TNKS: variants seen among roughly 807,000 people sequenced by gnomAD.
TNKS encodes the protein tankyrase.
A neutral mutation model predicts 135.8 loss-of-function variants in TNKS; 72 were observed. The ratio of observed to expected loss-of-function variants is 0.53; its 90% CI spans 0.44 to 0.64. The LOEUF is 0.64. Among genes scored for constraint, TNKS ranks in the 30% least tolerant of loss-of-function variants. The pLI, the probability that TNKS is intolerant of heterozygous loss-of-function variation, is 0.00. For missense variants in TNKS, 1,769 were observed against 1,674.0 expected (o/e 1.06, Z -0.99); for synonymous variants, 849 against 649.3 (o/e 1.31, Z -4.68).
At chr8:9,643,754 G>T (rs559184262) in intron 3 of TNKS, among the ~76,000 whole-genome samples, 1 of 152,260 alleles carries the variant, frequency 6.6e-6, no homozygotes, top group South Asian at 2.1e-4. Context: ...ATATGACCCG[G>T]CAATTCTGCT....
intron 13 of TNKS, among the ~76,000 whole-genome samples, chr8:9,727,420 T>G (rs563758495): frequency 6.6e-6 from 1 of 152,238 alleles, no homozygotes; most frequent in Non-Finnish European, 1.5e-5. Context: ...TGGAGATTGG[T>G]CTTTTGGGGT....
chr8:9,682,030 T>C (rs1802804631), intron 5 of TNKS, among the ~76,000 whole-genome samples: 1 of 152,144 alleles, frequency 6.6e-6, no homozygotes, highest in East Asian at 1.9e-4. Flanking sequence ...TAGTTACTCT[T>C]GGGAAGTGTT....
intron 3 of TNKS, among the ~76,000 whole-genome samples, chr8:9,646,473 T>C (rs7839648): frequency 0.83 from 126,168 of 152,116 alleles, 52,704 homozygotes; most frequent in Non-Finnish European, 0.88. Flanking sequence ...GGTTTCTAAA[T>C]ATTTGAGATT....
At chr8:9,577,471 C>A (rs965145313) in intron 1 of TNKS, among the ~76,000 whole-genome samples, 1 of 151,906 alleles carries the variant, frequency 6.6e-6, no homozygotes, top group Non-Finnish European at 1.5e-5. Context: ...CTGGGGAGGC[C>A]CCAGGAAATT....
At chr8:9,596,659 T>C (rs933673375) in intron 2 of TNKS, among the ~76,000 whole-genome samples, 27 of 152,244 alleles carry the variant, frequency 1.8e-4, no homozygotes, top group African/African-American at 6.5e-4. Flanking sequence ...AAGATACATT[T>C]ATTTTGGATC....
chr8:9,679,143 A>T (rs1370252802), intron 3 of TNKS, among the ~76,000 whole-genome samples: 1 of 152,228 alleles, frequency 6.6e-6, no homozygotes, highest in African/African-American at 2.4e-5. Flanking sequence ...ATAAAATAGA[A>T]TGGGGGAAAA....
intron 2 of TNKS, among the ~76,000 whole-genome samples, chr8:9,589,989 C>G (rs1375511502): frequency 1.3e-5 from 2 of 152,168 alleles, no homozygotes; most frequent in Admixed American, 6.5e-5. Flanking sequence ...ATGTTACGTA[C>G]AAAATACAAG....
chr8:9,560,455 T>G (rs1797278358), intron 1 of TNKS, among the ~76,000 whole-genome samples: 2 of 150,370 alleles, frequency 1.3e-5, no homozygotes, highest in Non-Finnish European at 3.0e-5. Context: ...AACTCATTCC[T>G]GACTCTTCTC....
chr8:9,740,752 C>G (rs1486846100), intron 17 of TNKS, among the ~76,000 whole-genome samples: 2 of 151,154 alleles, frequency 1.3e-5, no homozygotes, highest in Non-Finnish European at 1.5e-5. Flanking sequence ...GCAACAAATA[C>G]TTCTACCAAA....
chr8:9,734,865 C>G lies in TNKS; in HGVS notation c.2314C>G (p.His772Asp). The stretch of plus-strand genomic sequence containing the variant: ...CCCATTTGGTTTTTCTTCTTTGTAG[C>G]ATGGAGCAGATCCAACTAAAAAGAA... The part of the protein sequence containing the change: ...KYEICKLLLK[H>D]GADPTKKNRD... The change falls in exon 16 of 27, where the codon CAT becomes GAT. Residue 772 changes from histidine (H) to aspartate (D), a missense_variant and splice_region_variant. Around this residue, in one of 5 missense-constraint regions of TNKS, gnomAD observed 69 missense variants for 120.3 expected, o/e 0.57. Transcript: ENST00000310430. 1.9e-6 allele frequency: 3 copies of G among 1,612,246 alleles called. No individual in the cohort carries two copies. Among genetic ancestry groups the G allele is most frequent in the Non-Finnish European group, 2.5e-6 (3 of 1,179,090 alleles).
chr8:9,565,994 T>A (rs1335392398), intron 1 of TNKS, among the ~76,000 whole-genome samples: 1 of 152,194 alleles, frequency 6.6e-6, no homozygotes, highest in African/African-American at 2.4e-5. Flanking sequence ...ACATATATAT[T>A]ATATACATAG....
chr8:9,697,182 C>T (rs947188845), intron 5 of TNKS, among the ~76,000 whole-genome samples: 14 of 152,174 alleles, frequency 9.2e-5, no homozygotes, highest in South Asian at 2.1e-4. Context: ...ACAAGTCCAA[C>T]GAAAAGAATT....
At chr8:9,666,182 C>T (rs180897413) in intron 3 of TNKS, among the ~76,000 whole-genome samples, 288 of 152,280 alleles carry the variant, frequency 1.9e-3, no homozygotes, top group African/African-American at 6.2e-3. Flanking sequence ...CAAAGCCACT[C>T]GTCACAGCTG....
chr8:9,715,360 AG>A lies in TNKS; in HGVS notation c.1750-5007del, dbSNP rs1554476323. ...CAAGGAAAGAGGTTGTACTAGCAGC[AG>A]GGGGGGCGGGTATGATCATCTCTGG... On this transcript the variant is annotated intron_variant, in intron 11 of 26. Coordinates refer to ENST00000310430, the MANE Select transcript of TNKS (RefSeq NM_003747.3). Among the ~76,000 whole-genome samples the A allele has an allele frequency of 4.7e-3, 409 of 86,372 alleles. 1 individual carries two copies. Among genetic ancestry groups the A allele is most frequent in the African/African-American group, 0.015 (381 of 24,918 alleles). 56.7% of individuals were successfully genotyped at this position (86,372 alleles called of 152,430 possible). A position where few individuals can be genotyped will look rare whatever the true frequency, so the allele number is the denominator to read the frequency against.
chr8:9,584,477 T>A (rs560257247), intron 2 of TNKS, among the ~76,000 whole-genome samples: 2 of 152,208 alleles, frequency 1.3e-5, no homozygotes, highest in Non-Finnish European at 1.5e-5. Flanking sequence ...GGCAGTGGCC[T>A]GGTCATAATG....
intron 26 of TNKS, among the ~76,000 whole-genome samples, chr8:9,772,829 GTCT>G (rs1808003964): frequency 4.6e-5 from 2 of 43,158 alleles, no homozygotes; most frequent in Non-Finnish European, 1.0e-4. Flanking sequence ...GTGTGTGTGT[GTCT>G]GTGTGTGTGT....
intron 3 of TNKS, among the ~76,000 whole-genome samples, chr8:9,635,792 C>A (rs903125633): frequency 3.9e-5 from 6 of 152,024 alleles, no homozygotes; most frequent in Non-Finnish European, 7.4e-5. Context: ...TACGAAATAG[C>A]CTGTATTTTT....
intron 3 of TNKS, among the ~76,000 whole-genome samples, chr8:9,676,682 C>CTT (rs1348132491): frequency 4.0e-5 from 3 of 75,920 alleles, no homozygotes; most frequent in Admixed American, 3.8e-4. Flanking sequence ...CCCTCTCTCT[C>CTT]TCTCTGTGTG....
intron 3 of TNKS, among the ~76,000 whole-genome samples, chr8:9,642,842 T>G (rs1800773260): frequency 6.8e-6 from 1 of 146,168 alleles, no homozygotes; most frequent in Non-Finnish European, 1.5e-5. Context: ...TTACCTCTGT[T>G]GGAGAACTAA....
Sources: allele counts gnomAD v4.1 joint callset (sites outside exome capture counted in the v4.1 genomes callset), GRCh38; gene constraint gnomAD v4.1.1; regional missense constraint gnomAD v4.1.1; transcripts MANE v1.5; gene names NCBI Gene and HGNC (gene_info 2026-07-23, HGNC 2026-07-21).